The following AKAP6 variants were observed in gnomAD, a reference collection of about 807,000 sequenced individuals.
AKAP6 encodes the protein A-kinase anchoring protein 6, also known as A-kinase anchor protein 6.
In AKAP6, 58 loss-of-function variants were observed where a neutral mutation model predicts 188.5. The ratio of observed to expected loss-of-function variants is 0.31; its 90% confidence interval spans 0.25 to 0.38. The LOEUF (loss-of-function observed/expected upper bound fraction) is 0.38, where lower values mean the gene tolerates loss of function less well. Ranked by LOEUF, AKAP6 falls within the 10% of genes least tolerant of loss-of-function variation. The probability of loss-of-function intolerance (pLI) is 1.00; values close to 1 mark genes in which losing one functional copy is unlikely to be tolerated. For missense variants in AKAP6, 2,710 were observed against 2,740.0 expected, an observed-to-expected ratio of 0.99 and a Z score of 0.24; for synonymous variants, 989 against 998.6, an observed-to-expected ratio of 0.99 and a Z score of 0.18.
At chr14:32,559,809 CAG>C (rs1883871813) in intron 4 of AKAP6, among the ~76,000 whole-genome samples, 1 of 124,696 alleles carries the variant, frequency 8.0e-6, no homozygotes, top group Non-Finnish European at 1.6e-5. Context: ...TTTTTTAAGG[CAG>C]AGTCTTGCTC....
chr14:32,537,267 C>T (rs1016224774), intron 3 of AKAP6, among the ~76,000 whole-genome samples: 5 of 152,156 alleles, frequency 3.3e-5, no homozygotes, highest in African/African-American at 1.2e-4. Flanking sequence ...TCAGTTAGCT[C>T]TCCTTGTTAC....
intron 8 of AKAP6, among the ~76,000 whole-genome samples, chr14:32,685,848 A>T (rs949994671): frequency 4.6e-5 from 7 of 152,200 alleles, no homozygotes; most frequent in African/African-American, 7.2e-5. Context: ...GGGAATCTAA[A>T]TTCGTACAAC....
chr14:32,481,733 A>G (rs1879354900), intron 2 of AKAP6, among the ~76,000 whole-genome samples: 1 of 152,176 alleles, frequency 6.6e-6, no homozygotes, highest in Non-Finnish European at 1.5e-5. Flanking sequence ...CAGCAAAACC[A>G]TATAAATTTC....
At chr14:32,528,302 G>A (rs1383259338) in intron 2 of AKAP6, among the ~76,000 whole-genome samples, 4 of 149,580 alleles carry the variant, frequency 2.7e-5, no homozygotes, top group Non-Finnish European at 5.9e-5. Flanking sequence ...TGTCTAGTAG[G>A]TCTACCCTTA....
At chr14:32,539,345 C>T (rs1882819208) in intron 3 of AKAP6, among the ~76,000 whole-genome samples, 1 of 152,098 alleles carries the variant, frequency 6.6e-6, no homozygotes, top group African/African-American at 2.4e-5. Context: ...TGCATTGGTC[C>T]TTCCAGAGTG....
At chr14:32,392,683 A>G (rs978447902) in intron 1 of AKAP6, among the ~76,000 whole-genome samples, 3 of 152,172 alleles carry the variant, frequency 2.0e-5, no homozygotes, top group Non-Finnish European at 4.4e-5. Flanking sequence ...ACCAGAAACT[A>G]CAGCTGTGCT....
chr14:32,731,917 ACTC>A (rs774858938), intron 9 of AKAP6, among the ~76,000 whole-genome samples: 1 of 151,960 alleles, frequency 6.6e-6, no homozygotes, highest in Non-Finnish European at 1.5e-5. Flanking sequence ...ATTTGTAACT[ACTC>A]CTAAAATGTT....
intron 7 of AKAP6, among the ~76,000 whole-genome samples, chr14:32,623,166 A>G (rs1309967439): frequency 2.0e-4 from 31 of 152,312 alleles, no homozygotes; most frequent in Admixed American, 2.0e-3. Context: ...CCCTAAGGTG[A>G]TGAGATCTTG....
At chr14:32,765,196 G>A (rs1243021353) in intron 11 of AKAP6, among the ~76,000 whole-genome samples, 1 of 152,096 alleles carries the variant, frequency 6.6e-6, no homozygotes, top group East Asian at 1.9e-4. Context: ...GCCTCCCAAA[G>A]TGCTGGGATT....
chr14:32,524,699 T>A (rs1882033939), intron 2 of AKAP6, among the ~76,000 whole-genome samples: 1 of 152,178 alleles, frequency 6.6e-6, no homozygotes, highest in Non-Finnish European at 1.5e-5. Context: ...GATATATTTG[T>A]GTAATATCAG....
chr14:32,739,839 G>A (rs999676443), intron 11 of AKAP6, among the ~76,000 whole-genome samples: 2 of 152,134 alleles, frequency 1.3e-5, no homozygotes, highest in East Asian at 3.8e-4. Flanking sequence ...AAATATGAGA[G>A]TGCAGAAATT....
intron 12 of AKAP6, among the ~76,000 whole-genome samples, chr14:32,817,535 A>G (rs2034418912): frequency 6.7e-6 from 1 of 150,314 alleles, no homozygotes; most frequent in Admixed American, 6.6e-5. Context: ...TTATTTATAT[A>G]ATGCCTTGGT....
chr14:32,808,152 A>G (rs1045454422), intron 12 of AKAP6, among the ~76,000 whole-genome samples: 2 of 152,238 alleles, frequency 1.3e-5, no homozygotes, highest in Non-Finnish European at 2.9e-5. Flanking sequence ...CCCAATAATT[A>G]GAAAAGGAGT....
chr14:32,584,276 T>C (rs1435134278), intron 5 of AKAP6, among the ~76,000 whole-genome samples: 2 of 152,162 alleles, frequency 1.3e-5, no homozygotes, highest in Non-Finnish European at 2.9e-5. Context: ...ACTAAGTGAC[T>C]AATGAGCAGG....
chr14:32,818,157 C>A (rs1356320141), intron 12 of AKAP6, among the ~76,000 whole-genome samples: 2 of 152,094 alleles, frequency 1.3e-5, no homozygotes, highest in African/African-American at 2.4e-5. Context: ...TCTAATGAAT[C>A]CTGTCAGATA....
intron 2 of AKAP6, among the ~76,000 whole-genome samples, chr14:32,497,317 G>A (rs1277817602): frequency 6.6e-6 from 1 of 152,016 alleles, no homozygotes; most frequent in Non-Finnish European, 1.5e-5. Context: ...CATGTTGTAT[G>A]TTTGTTTTCA....
At chr14:32,616,241 C>G (rs148371880) in intron 7 of AKAP6, among the ~76,000 whole-genome samples, 2 of 152,080 alleles carry the variant, frequency 1.3e-5, no homozygotes, top group Non-Finnish European at 1.5e-5. Context: ...ACCCAGCAAT[C>G]GCATTACTGG....
intron 12 of AKAP6, among the ~76,000 whole-genome samples, chr14:32,793,010 A>G (rs1379515387): frequency 6.6e-6 from 1 of 152,214 alleles, no homozygotes. Flanking sequence ...CTTGCCTTAC[A>G]AAAGATCTTG....
At chr14:32,463,432 C>T (rs1891421512) in intron 2 of AKAP6, among the ~76,000 whole-genome samples, 1 of 152,158 alleles carries the variant, frequency 6.6e-6, no homozygotes, top group Admixed American at 6.5e-5. Context: ...AATTAGAGCT[C>T]AGGATTAAGA....
Sources: gnomAD v4.1 joint callset for allele counts (sites outside exome capture counted in the v4.1 genomes callset) on GRCh38, gnomAD v4.1.1 for gene constraint, MANE v1.5 for transcripts, NCBI Gene and HGNC (gene_info 2026-07-23, HGNC 2026-07-21) for gene names.